Variants in MGAT5 observed in about 807,000 individuals in gnomAD.
MGAT5 encodes the protein alpha-1,6-mannosylglycoprotein 6-beta-N-acetylglucosaminyltransferase, also known as alpha-1,6-mannosylglycoprotein 6-beta-N-acetylglucosaminyltransferase A.
A neutral mutation model predicts 94.3 loss-of-function variants in MGAT5; 30 were observed. The ratio of observed to expected loss-of-function variants is 0.32; its 90% CI spans 0.24 to 0.43. The LOEUF (loss-of-function observed/expected upper bound fraction) is 0.43, where lower values mean the gene tolerates loss of function less well. MGAT5 is among the 20% of genes least tolerant of loss of function. The pLI is 1.00. For synonymous variants in MGAT5, 310 were observed against 322.9 expected (o/e 0.96, Z 0.43); for missense variants, 691 against 905.5 (o/e 0.76, Z 3.04).
chr2:134,421,560 G>A (rs1447983958), intron 12 of MGAT5, among the ~76,000 whole-genome samples: 1 of 151,836 alleles, frequency 6.6e-6, no homozygotes, highest in Non-Finnish European at 1.5e-5. Context: ...TTCCAGCTGG[G>A]GTGACAAAGC....
At chr2:134,356,379 G>C (rs1354171028) in intron 9 of MGAT5, among the ~76,000 whole-genome samples, 1 of 151,992 alleles carries the variant, frequency 6.6e-6, no homozygotes, top group East Asian at 1.9e-4. Context: ...AAAGGCTACA[G>C]AGCTGACTAA....
intron 1 of MGAT5, among the ~76,000 whole-genome samples, chr2:134,262,971 C>A (rs1683433427): frequency 6.6e-6 from 1 of 152,212 alleles, no homozygotes; most frequent in Non-Finnish European, 1.5e-5. Flanking sequence ...TCAAAAGATA[C>A]AGTTTTCTTC....
intron 1 of MGAT5, among the ~76,000 whole-genome samples, chr2:134,234,054 G>A (rs1242150658): frequency 1.3e-5 from 2 of 152,214 alleles, no homozygotes; most frequent in Admixed American, 6.5e-5. Flanking sequence ...TTCATGATGG[G>A]TAATAATCTC....
At chr2:134,277,915 T>A (rs760648019) in intron 2 of MGAT5, among the ~76,000 whole-genome samples, 16 of 152,208 alleles carry the variant, frequency 1.1e-4, no homozygotes, top group Non-Finnish European at 2.2e-4. Context: ...AATATTTAGC[T>A]CATCACGAAA....
At chr2:134,421,435 C>T (rs1684283836) in intron 12 of MGAT5, among the ~76,000 whole-genome samples, 1 of 151,772 alleles carries the variant, frequency 6.6e-6, no homozygotes, top group Non-Finnish European at 1.5e-5. Flanking sequence ...AATACAAAAA[C>T]TTAGCCAGGC....
At chr2:134,122,196 C>A (rs934690869) in intron 1 of MGAT5, among the ~76,000 whole-genome samples, 1 of 151,934 alleles carries the variant, frequency 6.6e-6, no homozygotes, top group South Asian at 2.1e-4. Flanking sequence ...CCTCAGCTTT[C>A]CGGGTTCAAG....
At chr2:134,325,582 A>G (rs1687594497) in intron 4 of MGAT5, among the ~76,000 whole-genome samples, 1 of 152,158 alleles carries the variant, frequency 6.6e-6, no homozygotes, top group Non-Finnish European at 1.5e-5. Flanking sequence ...TTTAAAACAT[A>G]CTGTACAACT....
intron 11 of MGAT5, among the ~76,000 whole-genome samples, chr2:134,405,853 G>A (rs986963810): frequency 1.4e-4 from 21 of 152,254 alleles, no homozygotes; most frequent in South Asian, 4.1e-4. Flanking sequence ...CATTAGGGGT[G>A]CAGGCGTCAT....
intron 2 of MGAT5, among the ~76,000 whole-genome samples, chr2:134,312,143 G>A (rs1686713474): frequency 6.6e-6 from 1 of 152,160 alleles, no homozygotes; most frequent in Admixed American, 6.5e-5. Context: ...CCAGCTACTT[G>A]GGAGGCTGAT....
chr2:134,452,199 G>C lies in MGAT5; in HGVS notation c.*3352G>C, dbSNP rs2106459825. The C allele has an allele frequency of 6.6e-6, 1 of 152,302 alleles. No individual in the cohort carries two copies. Among genetic ancestry groups the C allele is most frequent in the East Asian group, 1.9e-4 (1 of 5,184 alleles). 9.4% of individuals were successfully genotyped at this position (152,302 alleles called of 1,614,324 possible). Reference sequence around the variant, plus strand: ...TGCATGTGCACTTCCACCCACAGAGGAGGGTGTGAAGCCTTGAGAACCTCA... The same window carrying C: ...TGCATGTGCACTTCCACCCACAGAGCAGGGTGTGAAGCCTTGAGAACCTCA... On this transcript the variant is annotated 3_prime_UTR_variant, in exon 16 of 16. Transcript: ENST00000281923.
intron 1 of MGAT5, among the ~76,000 whole-genome samples, chr2:134,196,252 G>C (rs919044382): frequency 2.6e-5 from 4 of 152,180 alleles, no homozygotes. Flanking sequence ...GGATATGCCT[G>C]TGCTTGGGAA....
chr2:134,353,040 GT>G (rs755585840), intron 9 of MGAT5, among the ~76,000 whole-genome samples: 3 of 152,168 alleles, frequency 2.0e-5, no homozygotes, highest in Non-Finnish European at 4.4e-5. Flanking sequence ...TGGTTACCAA[GT>G]TGGGAGGAGG....
At chr2:134,257,615 G>A (rs572349581) in intron 1 of MGAT5, among the ~76,000 whole-genome samples, 6 of 152,180 alleles carry the variant, frequency 3.9e-5, no homozygotes, top group Non-Finnish European at 7.3e-5. Context: ...GATTGTACTA[G>A]GGATTAGTTA....
chr2:134,337,783 G>C (rs930586653), intron 5 of MGAT5, among the ~76,000 whole-genome samples: 18 of 152,118 alleles, frequency 1.2e-4, no homozygotes, highest in African/African-American at 4.3e-4. Context: ...GACAAAACCA[G>C]AAGATGAGCA....
chr2:134,213,112 G>T (rs1680287050), intron 1 of MGAT5, among the ~76,000 whole-genome samples: 1 of 152,172 alleles, frequency 6.6e-6, no homozygotes. Context: ...TTGGGTAAAA[G>T]CATCACTTTG....
intron 14 of MGAT5, among the ~76,000 whole-genome samples, chr2:134,438,530 GCC>G (rs1685299704): frequency 1.3e-5 from 2 of 152,188 alleles, no homozygotes; most frequent in African/African-American, 4.8e-5. Context: ...AGTGTCAAAG[GCC>G]AGCCAGCAGG....
At chr2:134,204,348 T>C (rs1427746850) in intron 1 of MGAT5, among the ~76,000 whole-genome samples, 1 of 152,220 alleles carries the variant, frequency 6.6e-6, no homozygotes. Context: ...GTCCCTGTTC[T>C]GTACTGTGCC....
chr2:134,237,250 G>A (rs760898228), intron 1 of MGAT5, among the ~76,000 whole-genome samples: 2 of 151,974 alleles, frequency 1.3e-5, no homozygotes, highest in African/African-American at 2.4e-5. Flanking sequence ...GCCTCCTAAT[G>A]TCTCTGAAAT....
At chr2:134,356,787 A>G (rs184444810) in intron 9 of MGAT5, among the ~76,000 whole-genome samples, 14 of 152,164 alleles carry the variant, frequency 9.2e-5, no homozygotes, top group African/African-American at 3.4e-4. Flanking sequence ...GGACCTTTGC[A>G]TTGGTTGTCC....
Sources: gnomAD v4.1 joint callset for allele counts (sites outside exome capture counted in the v4.1 genomes callset) on GRCh38, gnomAD v4.1.1 for gene constraint, MANE v1.5 for transcripts, NCBI Gene and HGNC (gene_info 2026-07-23, HGNC 2026-07-21) for gene names.